Variants in RBFOX1 observed in about 807,000 individuals in gnomAD.
RBFOX1 encodes RNA binding fox-1 homolog 1.
In RBFOX1, 8 loss-of-function variants were observed where a neutral mutation model predicts 57.7. That is an observed-to-expected ratio of 0.14 (90% CI 0.08 to 0.25). The LOEUF is 0.25. RBFOX1 is among the 10% of genes least tolerant of loss of function. RBFOX1 has a pLI of 1.00. For missense variants in RBFOX1, 611 were observed against 548.5 expected, an observed-to-expected ratio of 1.11 and a Z score of -1.14; for synonymous variants, 326 against 222.4, an observed-to-expected ratio of 1.47 and a Z score of -4.15.
chr16:5,519,657 C>T (rs1567186093), intron 2 of RBFOX1, among the ~76,000 whole-genome samples: 2 of 152,108 alleles, frequency 1.3e-5, no homozygotes, highest in East Asian at 3.9e-4. Flanking sequence ...CCCAGGAGGT[C>T]AAGGCTGCAG....
At chr16:6,566,327 C>A (rs2097265643) in intron 2 of RBFOX1, among the ~76,000 whole-genome samples, 1 of 152,190 alleles carries the variant, frequency 6.6e-6, no homozygotes, top group Non-Finnish European at 1.5e-5. Flanking sequence ...AGGTGTGATC[C>A]TGTCAAAAGC....
At chr16:5,362,423 C>T (rs1039206200) in intron 1 of RBFOX1, among the ~76,000 whole-genome samples, 4 of 152,198 alleles carry the variant, frequency 2.6e-5, no homozygotes, top group Admixed American at 6.5e-5. Context: ...AGTGCAACGG[C>T]GCGATCTCAG....
chr16:6,719,066 C>T (rs888007494), intron 3 of RBFOX1, among the ~76,000 whole-genome samples: 1 of 152,026 alleles, frequency 6.6e-6, no homozygotes, highest in Non-Finnish European at 1.5e-5. Flanking sequence ...GAGACTTTGC[C>T]ATGTTGCCCA....
chr16:6,640,820 G>A (rs4321199), intron 2 of RBFOX1, among the ~76,000 whole-genome samples: 128,189 of 151,910 alleles, frequency 0.84, 55,124 homozygotes, highest in Middle Eastern at 0.98. Context: ...GGGCCTCTCT[G>A]ACTAGTCCCT....
chr16:6,654,612 G>C lies in RBFOX1; in HGVS notation c.-54G>C, dbSNP rs1245212421. 8.0e-6 allele frequency: 12 copies of C among 1,508,320 alleles called. No homozygotes were observed. Among genetic ancestry groups the C allele is most frequent in the Non-Finnish European group, 1.1e-5 (12 of 1,136,854 alleles). 93.4% of individuals were successfully genotyped at this position (1,508,320 alleles called of 1,614,324 possible). On this transcript the variant is annotated 5_prime_UTR_variant, in exon 3 of 16. Transcript: ENST00000550418. Reference sequence around the variant, plus strand: ...TTTCTTCTCTTCTCAGGATATCAAAGCAGACTGCAATACCTGCGTGGAAAT... The same window carrying C: ...TTTCTTCTCTTCTCAGGATATCAAACCAGACTGCAATACCTGCGTGGAAAT...
At chr16:6,372,382 G>A (rs2090561029) in intron 2 of RBFOX1, among the ~76,000 whole-genome samples, 1 of 151,690 alleles carries the variant, frequency 6.6e-6, no homozygotes. Flanking sequence ...TAGGATCTTT[G>A]GGTAGGAGGA....
intron 4 of RBFOX1, among the ~76,000 whole-genome samples, chr16:7,207,534 A>G (rs942831122): frequency 6.6e-6 from 1 of 152,196 alleles, no homozygotes; most frequent in Admixed American, 6.5e-5. Context: ...GTGAATATTG[A>G]CAGAATGAAG....
intron 5 of RBFOX1, among the ~76,000 whole-genome samples, chr16:7,551,807 T>C (rs1372700984): frequency 6.6e-6 from 1 of 152,200 alleles, no homozygotes; most frequent in Non-Finnish European, 1.5e-5. Flanking sequence ...ACCACAGACA[T>C]TGGCGGTGTT....
intron 3 of RBFOX1, among the ~76,000 whole-genome samples, chr16:5,853,909 G>A (rs967736891): frequency 6.6e-6 from 1 of 152,166 alleles, no homozygotes; most frequent in African/African-American, 2.4e-5. Flanking sequence ...GCAGGCATGT[G>A]CCACTGCACC....
chr16:5,473,715 G>C (rs201729442), intron 2 of RBFOX1, among the ~76,000 whole-genome samples: 1 of 65,888 alleles, frequency 1.5e-5, no homozygotes, highest in African/African-American at 5.9e-5. Flanking sequence ...GGGTGGGTGG[G>C]TGGATGGATG....
chr16:5,979,365 G>C (rs2060129349), intron 4 of RBFOX1, among the ~76,000 whole-genome samples: 1 of 152,316 alleles, frequency 6.6e-6, no homozygotes, highest in South Asian at 2.1e-4. Flanking sequence ...ACCATAGCCA[G>C]CAGTCAAAAT....
At chr16:7,304,426 C>T (rs2096121385) in intron 4 of RBFOX1, 5 of 985,230 alleles carry the variant, frequency 5.1e-6, no homozygotes, top group African/African-American at 1.7e-5. Flanking sequence ...CGTGGCGCTC[C>T]CCAACGTGGG....
chr16:6,563,150 T>G (rs1171157802), intron 2 of RBFOX1, among the ~76,000 whole-genome samples: 2 of 152,064 alleles, frequency 1.3e-5, no homozygotes, highest in African/African-American at 4.8e-5. Flanking sequence ...ACTCAGGTGG[T>G]TCCTGTGTTG....
intron 2 of RBFOX1, among the ~76,000 whole-genome samples, chr16:6,393,122 A>G (rs967088647): frequency 1.2e-4 from 19 of 152,348 alleles, no homozygotes; most frequent in African/African-American, 3.8e-4. Context: ...AACTATGAGT[A>G]TATTTTGCAG....
intron 5 of RBFOX1, among the ~76,000 whole-genome samples, chr16:7,531,215 T>C (rs2152376490): frequency 6.6e-6 from 1 of 152,140 alleles, no homozygotes; most frequent in Admixed American, 6.5e-5. Flanking sequence ...AAGGGAGAAA[T>C]GTAAATGCCC....
intron 4 of RBFOX1, among the ~76,000 whole-genome samples, chr16:7,101,637 C>G (rs560676798): frequency 4.6e-5 from 7 of 152,152 alleles, no homozygotes; most frequent in African/African-American, 1.7e-4. Context: ...GCAGGTTATT[C>G]AAAGGTACTT....
intron 5 of RBFOX1, among the ~76,000 whole-genome samples, chr16:7,519,441 C>T (rs929083236): frequency 5.9e-5 from 9 of 151,940 alleles, no homozygotes; most frequent in South Asian, 2.1e-4. Flanking sequence ...AATTTTATTG[C>T]GTACAAATGA....
intron 2 of RBFOX1, among the ~76,000 whole-genome samples, chr16:6,507,594 C>A (rs1365987049): frequency 6.6e-6 from 1 of 151,156 alleles, no homozygotes; most frequent in African/African-American, 2.4e-5. Context: ...TCACTTGAGC[C>A]CAGGAGGTGG....
chr16:6,266,518 A>T (rs1414895982), intron 1 of RBFOX1, among the ~76,000 whole-genome samples: 2 of 152,104 alleles, frequency 1.3e-5, no homozygotes, highest in Non-Finnish European at 2.9e-5. Flanking sequence ...GTTCGAGACC[A>T]GCCTGGCCAA....
Sources: gnomAD v4.1 joint callset for allele counts (sites outside exome capture counted in the v4.1 genomes callset) on GRCh38, gnomAD v4.1.1 for gene constraint, MANE v1.5 for transcripts, NCBI Gene and HGNC (gene_info 2026-07-23, HGNC 2026-07-21) for gene names.